Variants in PPP2R5A observed in about 807,000 individuals in gnomAD.
PPP2R5A encodes the protein serine/threonine-protein phosphatase 2A 56 kDa regulatory subunit alpha isoform.
Under a neutral mutation model 64.2 loss-of-function variants are expected in PPP2R5A, and 25 were observed. That is an observed-to-expected ratio of 0.39 (90% confidence interval 0.28 to 0.54). The LOEUF (loss-of-function observed/expected upper bound fraction) is 0.54, where lower values mean the gene tolerates loss of function less well. PPP2R5A is among the 20% of genes least tolerant of loss of function. The probability of loss-of-function intolerance (pLI) is 0.67; values close to 1 mark genes in which losing one functional copy is unlikely to be tolerated. For missense variants in PPP2R5A, 425 were observed against 576.3 expected, an observed-to-expected ratio of 0.74 and a Z score of 2.69; for synonymous variants, 198 against 201.2, an observed-to-expected ratio of 0.98 and a Z score of 0.13.
At chr1:212,351,496 C>A (rs1486778705) in intron 8 of PPP2R5A, among the ~76,000 whole-genome samples, 2 of 152,074 alleles carry the variant, frequency 1.3e-5, no homozygotes, top group African/African-American at 4.8e-5. Context: ...GGCAGATCAC[C>A]TGAGATCAGG....
intron 12 of PPP2R5A, 35 bp downstream of exon 12, chr1:212,358,822 C>T (rs760209364): frequency 2.0e-6 from 3 of 1,519,608 alleles, no homozygotes; most frequent in Non-Finnish European, 2.7e-6. Flanking sequence ...ATTATCTATA[C>T]ATTTTATGTT....
Position 212,329,157 on chromosome 1 carries a change from A to C in PPP2R5A, c.204A>C (p.Gln68His). The C allele has an allele frequency of 3.9e-6, 6 of 1,531,492 alleles. No individual in the cohort carries two copies. The highest frequency in any genetic ancestry group is 5.3e-6 in the Non-Finnish European group (6 of 1,139,034). 94.9% of individuals were successfully genotyped at this position (1,531,492 alleles called of 1,614,324 possible). Residue 68 changes from glutamine (Q) to histidine (H), a missense_variant, in exon 2 of 13, where the codon CAA becomes CAC. Transcript: ENST00000261461. ...QLKDATSNEQ[Q>H]ELFCQKLQQC... is the part of the protein sequence containing the mutation. ...TAGATGCCACTTCAAATGAACAACA[A>C]GAGCTTTTCTGTCAGAAGTTGCAGC...
At chr1:212,336,674 C>T (rs1659598663) in intron 3 of PPP2R5A, among the ~76,000 whole-genome samples, 1 of 152,100 alleles carries the variant, frequency 6.6e-6, no homozygotes, top group East Asian at 1.9e-4. Context: ...ATTGTAGCTA[C>T]GTTATTAATC....
At chr1:212,325,513 T>A (rs986676885) in intron 1 of PPP2R5A, among the ~76,000 whole-genome samples, 1 of 152,066 alleles carries the variant, frequency 6.6e-6, no homozygotes, top group Non-Finnish European at 1.5e-5. Flanking sequence ...ATCACATAAT[T>A]GAAGTGGGAT....
intron 1 of PPP2R5A, among the ~76,000 whole-genome samples, chr1:212,313,132 T>G (rs1274166309): frequency 6.6e-6 from 1 of 152,236 alleles, no homozygotes; most frequent in African/African-American, 2.4e-5. Context: ...CTGTGCTTTC[T>G]CTCTCTGGAG....
intron 1 of PPP2R5A, 72 bp downstream of exon 1, chr1:212,286,363 C>A: frequency 5.1e-6 from 7 of 1,376,520 alleles, no homozygotes; most frequent in Non-Finnish European, 6.6e-6. Context: ...CCAGCAGAGC[C>A]ATTTCCTGCT....
At chr1:212,302,644 A>G (rs1328623046) in intron 1 of PPP2R5A, among the ~76,000 whole-genome samples, 2 of 152,228 alleles carry the variant, frequency 1.3e-5, no homozygotes, top group East Asian at 1.9e-4. Flanking sequence ...ATACAATTCC[A>G]TGGCTTTTAG....
At chr1:212,357,819 G>GAA (rs1660008889) in intron 11 of PPP2R5A, 1 of 126,368 alleles carries the variant, frequency 7.9e-6, no homozygotes, top group Admixed American at 8.0e-5. Context: ...AAAAAAAAAA[G>GAA]AGAGTCTTGC....
At chr1:212,305,313 G>T (rs867042676) in intron 1 of PPP2R5A, among the ~76,000 whole-genome samples, 1 of 152,022 alleles carries the variant, frequency 6.6e-6, no homozygotes, top group Non-Finnish European at 1.5e-5. Flanking sequence ...GTGAGCCACC[G>T]CGCCCGGCTC....
chr1:212,344,297 G>C (rs1659736569), intron 4 of PPP2R5A, among the ~76,000 whole-genome samples: 1 of 152,130 alleles, frequency 6.6e-6, no homozygotes, highest in Non-Finnish European at 1.5e-5. Flanking sequence ...AGAATAATTT[G>C]ATGTGAACTT....
At chr1:212,335,592 ATACAT>A (rs1659580173) in intron 3 of PPP2R5A, among the ~76,000 whole-genome samples, 1 of 152,208 alleles carries the variant, frequency 6.6e-6, no homozygotes, top group African/African-American at 2.4e-5. Context: ...TGTAGCACCT[ATACAT>A]CCAAATAAAA....
chr1:212,328,278 G>A (rs749615149), intron 1 of PPP2R5A, among the ~76,000 whole-genome samples: 3 of 152,078 alleles, frequency 2.0e-5, no homozygotes, highest in Non-Finnish European at 2.9e-5. Context: ...TCTGAAAACT[G>A]TACTCCAGCC....
chr1:212,294,149 T>C (rs1174464746), intron 1 of PPP2R5A, among the ~76,000 whole-genome samples: 1 of 152,138 alleles, frequency 6.6e-6, no homozygotes, highest in Non-Finnish European at 1.5e-5. Context: ...TTTTAAAAAA[T>C]TGTATATTTT....
At chr1:212,300,619 A>G (rs1273788235) in intron 1 of PPP2R5A, among the ~76,000 whole-genome samples, 1 of 152,178 alleles carries the variant, frequency 6.6e-6, no homozygotes, top group Non-Finnish European at 1.5e-5. Context: ...ATGTTGTTCA[A>G]TAGCCTATTA....
At chr1:212,304,339 T>C (rs1412379685) in intron 1 of PPP2R5A, among the ~76,000 whole-genome samples, 1 of 151,956 alleles carries the variant, frequency 6.6e-6, no homozygotes, top group Non-Finnish European at 1.5e-5. Flanking sequence ...TCACCTGAGG[T>C]TGGGAGTTCA....
At chr1:212,351,995 ATTATT>A (rs960570175) in intron 8 of PPP2R5A, among the ~76,000 whole-genome samples, 185 of 149,356 alleles carry the variant, frequency 1.2e-3, no homozygotes, top group African/African-American at 4.3e-3. Context: ...ATTTTATTTT[ATTATT>A]TTATTTTTAT....
Position 212,360,916 on chromosome 1 carries a change from T to C in PPP2R5A, c.*146T>C. 17 of 653,778 alleles carry C rather than the reference T, an allele frequency of 2.6e-5. No homozygotes were observed. The highest frequency in any genetic ancestry group is 4.0e-5 in the Non-Finnish European group (17 of 426,970). 40.5% of individuals were successfully genotyped at this position (653,778 alleles called of 1,614,324 possible). A position where few individuals can be genotyped will look rare whatever the true frequency, so the allele number is the denominator to read the frequency against. On this transcript the variant is annotated 3_prime_UTR_variant, in exon 13 of 13. Coordinates refer to ENST00000261461, the MANE Select transcript of PPP2R5A (RefSeq NM_006243.4). ...ACTGTAAATGGAAAAATATATGGAC[T>C]AAACGTAGCCCTGTGCTGTATCATG...
At position 212,285,951 on chromosome 1, in the gene PPP2R5A, C is replaced by T. The variant is rs1224165436; in HGVS notation, c.-160C>T. ...GTGGCCGTGAGGCGTTGGCGGGCGG[C>T]GAGGAGAAGCTCGGCGGCGTCCCGG... is the stretch of plus-strand genomic sequence containing the variant. On this transcript the variant is annotated 5_prime_UTR_variant, in exon 1 of 13. Coordinates refer to ENST00000261461, the MANE Select transcript of PPP2R5A (RefSeq NM_006243.4). The T allele has an allele frequency of 2.5e-5, 16 of 643,150 alleles. No homozygotes were observed. The East Asian group carries it at 3.3e-4, about 13-fold the overall frequency. The allele number at this position is 643,150 out of a possible 1,614,324, so 39.8% of individuals were successfully genotyped here.
intron 1 of PPP2R5A, among the ~76,000 whole-genome samples, chr1:212,312,199 TA>T (rs1266445363): frequency 6.6e-6 from 1 of 152,230 alleles, no homozygotes; most frequent in Non-Finnish European, 1.5e-5. Context: ...TTTTGTAGCC[TA>T]GGAGCAGTAG....
Sources: allele counts gnomAD v4.1 joint callset (sites outside exome capture counted in the v4.1 genomes callset), GRCh38; gene constraint gnomAD v4.1.1; transcripts MANE v1.5; gene names NCBI Gene and HGNC (gene_info 2026-07-23, HGNC 2026-07-21).